The following ZFHX3 variants were observed in gnomAD, a reference collection of about 807,000 sequenced individuals.
ZFHX3 encodes the protein zinc finger homeobox protein 3.
Under a neutral mutation model 279.1 loss-of-function variants are expected in ZFHX3, and 42 were observed. The observed-to-expected ratio is 0.15, with a 90% CI of 0.12 to 0.19. The LOEUF (loss-of-function observed/expected upper bound fraction) is 0.19. ZFHX3 is among the 10% of genes least tolerant of loss of function. ZFHX3 has a pLI of 1.00. For missense variants in ZFHX3, 4,981 were observed against 4,754.0 expected, an observed-to-expected ratio of 1.05 and a Z score of -1.40; for synonymous variants, 2,293 against 1,957.8, an observed-to-expected ratio of 1.17 and a Z score of -4.52.
chr16:73,465,437 A>T (rs1215987633), intron 2 of ZFHX3, among the ~76,000 whole-genome samples: 2 of 151,960 alleles, frequency 1.3e-5, no homozygotes, highest in Non-Finnish European at 1.5e-5. Flanking sequence ...ACATCCCGCC[A>T]CCTCGAAAGC....
intron 2 of ZFHX3, among the ~76,000 whole-genome samples, chr16:73,582,553 C>T (rs917362698): frequency 2.0e-5 from 3 of 151,930 alleles, no homozygotes; most frequent in African/African-American, 4.9e-5. Context: ...TGGCTCACCA[C>T]AAGCTCCACC....
intron 3 of ZFHX3, among the ~76,000 whole-genome samples, chr16:73,370,902 T>C (rs2016617117): frequency 1.3e-5 from 2 of 152,200 alleles, no homozygotes; most frequent in Non-Finnish European, 2.9e-5. Flanking sequence ...CAATCTGTGA[T>C]GGATGTATGG....
chr16:73,335,299 A>G (rs931959665), intron 3 of ZFHX3, among the ~76,000 whole-genome samples: 1 of 152,188 alleles, frequency 6.6e-6, no homozygotes, highest in Non-Finnish European at 1.5e-5. Flanking sequence ...ATTTTTCCAG[A>G]AATTTTACAA....
At chr16:73,194,977 C>A (rs1443969196) in intron 5 of ZFHX3, among the ~76,000 whole-genome samples, 1 of 152,128 alleles carries the variant, frequency 6.6e-6, no homozygotes, top group Non-Finnish European at 1.5e-5. Flanking sequence ...AGCAAACATA[C>A]CCTTCGCTAG....
chr16:73,748,129 T>C (rs916747504), intron 1 of ZFHX3, among the ~76,000 whole-genome samples: 5 of 152,162 alleles, frequency 3.3e-5, no homozygotes, highest in African/African-American at 1.2e-4. Flanking sequence ...GAATCTAACA[T>C]TTTGAAATTT....
chr16:73,375,066 T>C (rs139571741), intron 3 of ZFHX3, among the ~76,000 whole-genome samples: 3 of 151,928 alleles, frequency 2.0e-5, no homozygotes, highest in Non-Finnish European at 2.9e-5. Flanking sequence ...CTTTCTCTTC[T>C]TCCTCCTTCT....
chr16:72,788,474 T>C lies in ZFHX3; in HGVS notation c.9802A>G (p.Thr3268Ala). The part of the protein sequence containing the change: ...KKEKGEAPTA[T>A]AATISAPLPT... ...AGCGGGGCTGAGATCGTGGCTGCAG[T>C]TGCCGTGGGGGCCTCTCCTTTCTCC... The change falls in exon 10 of 10, where the codon ACT becomes GCT. Residue 3268 changes from threonine (T) to alanine (A), a missense_variant. By Grantham distance (58) the Thr-to-Ala change is moderately conservative. This residue lies in a region of ZFHX3 where 1,034 missense variants were observed against 786.0 expected (regional missense o/e 1.32). Transcript: ENST00000268489. The C allele has an allele frequency of 6.2e-7, 1 of 1,614,200 alleles. No individual in the cohort carries two copies. The highest frequency in any genetic ancestry group is 1.6e-4 in the Middle Eastern group (1 of 6,062).
chr16:73,425,984 T>C (rs114461535), intron 3 of ZFHX3, among the ~76,000 whole-genome samples: 94 of 152,304 alleles, frequency 6.2e-4, no homozygotes, highest in African/African-American at 2.2e-3. Flanking sequence ...ACGGTGATCC[T>C]CTTTTTTTCA....
intron 1 of ZFHX3, among the ~76,000 whole-genome samples, chr16:73,851,986 C>T (rs746091947): frequency 3.1e-4 from 47 of 152,162 alleles, no homozygotes; most frequent in African/African-American, 9.4e-4. Flanking sequence ...CATCTCTTAC[C>T]GTGAAGAACT....
At position 72,926,422 on chromosome 16, in the gene ZFHX3, T is replaced by C. The variant is rs370531385; in HGVS notation, c.3216+24047A>G. ...AGCGACTCCACTTTCCAAACACTTG[T>C]GTGTATTACAACTCTTTAAAAATGA... On this transcript the variant is annotated intron_variant, in intron 3 of 9. Transcript: ENST00000268489. Among the ~76,000 whole-genome samples the C allele has an allele frequency of 3.1e-4, 47 of 152,326 alleles. No individual in the cohort carries two copies. The South Asian group carries it at 9.7e-3, about 32-fold the overall frequency.
intron 3 of ZFHX3, among the ~76,000 whole-genome samples, chr16:73,390,096 A>C (rs1251690991): frequency 1.3e-5 from 2 of 152,082 alleles, no homozygotes; most frequent in Non-Finnish European, 2.9e-5. Flanking sequence ...TAAAGCATCA[A>C]GTATCTGGAG....
At chr16:73,285,343 T>A (rs186456246) in intron 4 of ZFHX3, among the ~76,000 whole-genome samples, 1 of 152,144 alleles carries the variant, frequency 6.6e-6, no homozygotes, top group Non-Finnish European at 1.5e-5. Context: ...AGAAATCCCA[T>A]TGGGACCATT....
At chr16:73,061,866 T>A (rs1965688332), upstream of ZFHX3, 2 of 152,208 alleles carry the variant, frequency 1.3e-5, no homozygotes, top group African/African-American at 4.8e-5. Context: ...GCGGAGGAAG[T>A]CAGTATTTCC....
At chr16:73,343,056 TG>T (rs762449100) in intron 3 of ZFHX3, among the ~76,000 whole-genome samples, 1 of 152,224 alleles carries the variant, frequency 6.6e-6, no homozygotes, top group Non-Finnish European at 1.5e-5. Flanking sequence ...ATCTCAGGAT[TG>T]AACAAATGAA....
At chr16:73,207,299 T>C (rs1333074824) in intron 5 of ZFHX3, among the ~76,000 whole-genome samples, 1 of 152,220 alleles carries the variant, frequency 6.6e-6, no homozygotes, top group Non-Finnish European at 1.5e-5. Flanking sequence ...TTCATTCTTC[T>C]GTTACTGCTC....
Position 72,788,184 on chromosome 16 carries a change from G to A in ZFHX3, c.10092C>T (p.Tyr3364=), listed in dbSNP as rs1398847397. ...GLSPGSLLQQ[Y]QQYQQSLQEA... ...CCTGCAGACTCTGCTGGTATTGCTG[G>A]TACTGCTGCAGTAGGGAGCCTGGGG... is the stretch of plus-strand genomic sequence containing the variant. The change falls in exon 10 of 10, where the codon TAC becomes TAT. Residue 3364 remains tyrosine, a synonymous_variant. Transcript: ENST00000268489. 1.9e-6 allele frequency: 3 copies of A among 1,612,188 alleles called. No individual in the cohort carries two copies. The highest frequency in any genetic ancestry group is 2.2e-5 in the East Asian group (1 of 44,830).
At chr16:73,217,057 G>A (rs2012237106) in intron 5 of ZFHX3, among the ~76,000 whole-genome samples, 2 of 152,194 alleles carry the variant, frequency 1.3e-5, no homozygotes, top group African/African-American at 4.8e-5. Context: ...CTGAAAGCAG[G>A]CTGAAGTTTG....
chr16:73,658,097 T>C (rs532664128), intron 2 of ZFHX3, among the ~76,000 whole-genome samples: 24 of 152,340 alleles, frequency 1.6e-4, no homozygotes, highest in Non-Finnish European at 3.1e-4. Flanking sequence ...ATCACATCAC[T>C]TGGAAGTACA....
At chr16:72,948,646 G>A (rs115011542) in intron 3 of ZFHX3, among the ~76,000 whole-genome samples, 264 of 152,274 alleles carry the variant, frequency 1.7e-3, no homozygotes, top group African/African-American at 6.2e-3. Flanking sequence ...AATCGCCACC[G>A]TGTGCATTTT....
Sources: gnomAD v4.1 joint callset for allele counts (sites outside exome capture counted in the v4.1 genomes callset) on GRCh38, gnomAD v4.1.1 for gene constraint, gnomAD v4.1.1 regional missense constraint, MANE v1.5 for transcripts, NCBI Gene and HGNC (gene_info 2026-07-23, HGNC 2026-07-21) for gene names.